ENPP1: variants seen among roughly 807,000 people sequenced by gnomAD.
The protein encoded by ENPP1 is ectonucleotide pyrophosphatase/phosphodiesterase family member 1.
Under a neutral mutation model 122.8 loss-of-function variants are expected in ENPP1, and 73 were observed. That is an observed-to-expected ratio of 0.59 (90% CI 0.49 to 0.72). ENPP1 has a LOEUF of 0.72. Among genes scored for constraint, ENPP1 ranks in the 30% least tolerant of loss-of-function variants. The probability of loss-of-function intolerance (pLI) is 0.00; values close to 1 mark genes in which losing one functional copy is unlikely to be tolerated. For synonymous variants in ENPP1, 367 were observed against 391.6 expected, an observed-to-expected ratio of 0.94 and a Z score of 0.74; for missense variants, 978 against 1,128.1, an observed-to-expected ratio of 0.87 and a Z score of 1.91.
chr6:131,877,882 T>A (rs1261001352), intron 18 of ENPP1: 38 of 117,878 alleles, frequency 3.2e-4, no homozygotes, highest in Non-Finnish European at 4.3e-4. Context: ...TATATATATA[T>A]ATATATATAT....
At chr6:131,845,132 C>T (rs925381102) in intron 1 of ENPP1, among the ~76,000 whole-genome samples, 105 of 133,460 alleles carry the variant, frequency 7.9e-4, no homozygotes, top group African/African-American at 2.9e-3. Context: ...GATCTTGGCT[C>T]ACTGCAACCT....
At chr6:131,853,902 A>G (rs184364835) in intron 5 of ENPP1, among the ~76,000 whole-genome samples, 2 of 152,302 alleles carry the variant, frequency 1.3e-5, no homozygotes, top group African/African-American at 2.4e-5. Context: ...TGTCAAGTAT[A>G]TTAGCATCCT....
intron 1 of ENPP1, among the ~76,000 whole-genome samples, chr6:131,816,020 T>C (rs900673624): frequency 1.3e-5 from 2 of 148,678 alleles, no homozygotes; most frequent in African/African-American, 5.1e-5. Context: ...CACGCCCGGC[T>C]GTATCAGCTT....
chr6:131,809,728 A>C (rs181930905), intron 1 of ENPP1, among the ~76,000 whole-genome samples: 2 of 152,256 alleles, frequency 1.3e-5, no homozygotes, highest in Non-Finnish European at 2.9e-5. Context: ...CCATTTCTAC[A>C]TGCCTATAAA....
chr6:131,810,453 C>T (rs377218246), intron 1 of ENPP1, among the ~76,000 whole-genome samples: 2,020 of 142,542 alleles, frequency 0.014, 53 homozygotes, highest in African/African-American at 0.05. Flanking sequence ...ACCCCGCCCC[C>T]CCCCCAAAAA....
At chr6:131,877,194 T>G (rs1264184328) in intron 18 of ENPP1, 33 bp downstream of exon 18, 1 of 1,595,564 alleles carries the variant, frequency 6.3e-7, no homozygotes, top group Admixed American at 1.7e-5. Context: ...GTCCAGTATG[T>G]ATGGTTTGAT....
At position 131,884,923 on chromosome 6, in the gene ENPP1, T is replaced by C; in HGVS notation, c.2312-8T>C. On this transcript the variant is annotated splice_region_variant and splice_polypyrimidine_tract_variant and intron_variant, in intron 22 of 24. Coordinates refer to ENST00000647893, the MANE Select transcript of ENPP1 (RefSeq NM_006208.3). ...TTTGAAACTACACTGGCTTCTATCTTGTTTCAGTTATATGGCGCTACTTTC... is the reference window on the plus strand; with the variant it reads ...TTTGAAACTACACTGGCTTCTATCTCGTTTCAGTTATATGGCGCTACTTTC... 1 of 1,614,076 alleles carries C rather than the reference T, an allele frequency of 6.2e-7. No individual in the cohort carries two copies. The highest frequency in any genetic ancestry group is 2.2e-5 in the East Asian group (1 of 44,874).
chr6:131,847,729 T>C, intron 1 of ENPP1, 47 bp from the exon 2 acceptor site: 1 of 1,324,326 alleles, frequency 7.6e-7, no homozygotes, highest in Non-Finnish European at 1.1e-6. Context: ...TAAGATAAAA[T>C]ATTTTTTAAA....
At chr6:131,889,161 A>T (rs1347586204) in intron 24 of ENPP1, among the ~76,000 whole-genome samples, 1 of 152,222 alleles carries the variant, frequency 6.6e-6, no homozygotes, top group Non-Finnish European at 1.5e-5. Flanking sequence ...ATCAAGACTT[A>T]TATGTTAAAT....
Position 131,850,261 on chromosome 6 carries a change from T to C in ENPP1, c.430+155T>C, listed in dbSNP as rs527867997. ...TTGACATTAGCTTTTATATTTTCTT[T>C]CAACAGTTCCTTAAGAGAAAAAAAT... is the stretch of plus-strand genomic sequence containing the variant. On this transcript the variant is annotated intron_variant, in intron 3 of 24. Transcript: ENST00000647893. Among the ~76,000 whole-genome samples the C allele has an allele frequency of 3.9e-5, 6 of 152,348 alleles. No individual in the cohort carries two copies. In the East Asian group the frequency reaches 9.6e-4, roughly 24 times the overall value.
intron 1 of ENPP1, among the ~76,000 whole-genome samples, chr6:131,831,142 A>AAAAAAAAAAAAG (rs1562513494): frequency 6.7e-6 from 1 of 150,026 alleles, no homozygotes. Context: ...AAAAAAGAAA[A>AAAAAAAAAAAAG]GAAAATAGAT....
Position 131,877,010 on chromosome 6 carries a change from C to T in ENPP1, c.1742C>T (p.Pro581Leu), listed in dbSNP as rs1343186878. The T allele has an allele frequency of 5.0e-6, 8 of 1,613,998 alleles. No individual in the cohort carries two copies. Among genetic ancestry groups the T allele is most frequent in the South Asian group, 1.1e-5 (1 of 91,076 alleles). The part of the protein sequence containing the change: ...NLMCDLLNLT[P>L]APNNGTHGSL... ...TATGCAGATTTACTGAATTTGACAC[C>T]GGCTCCTAATAACGGAACTCATGGA... is the stretch of plus-strand genomic sequence containing the variant. The change falls in exon 18 of 25, where the codon CCG becomes CTG. Residue 581 changes from proline (P) to leucine (L), a missense_variant. Around this residue, in one of 3 missense-constraint regions of ENPP1, gnomAD observed 644 missense variants for 781.5 expected, o/e 0.82. Coordinates refer to ENST00000647893, the MANE Select transcript of ENPP1 (RefSeq NM_006208.3).
chr6:131,854,307 G>A (rs972502833), intron 5 of ENPP1, among the ~76,000 whole-genome samples: 1 of 152,094 alleles, frequency 6.6e-6, no homozygotes, highest in African/African-American at 2.4e-5. Flanking sequence ...CAGCTACTTG[G>A]GAGGGTGAGG....
chr6:131,883,634 A>G, intron 21 of ENPP1, 60 bp from the exon 22 acceptor site: 1 of 879,162 alleles, frequency 1.1e-6, no homozygotes, highest in Non-Finnish European at 1.9e-6. Context: ...ACCATGAGAA[A>G]CTATAATTTC....
Position 131,808,151 on chromosome 6 carries a change from C to T in ENPP1, c.116C>T (p.Ala39Val), listed in dbSNP as rs1439098776. Reference protein sequence around the residue: ...RDRGRSHAAEAPGDPQAAASL... With the variant: ...RDRGRSHAAEVPGDPQAAASL... ...CGGGGCCGCAGCCACGCTGCCGAGGCGCCCGGGGACCCGCAGGCGGCCGCG... is the reference window on the plus strand; with the variant it reads ...CGGGGCCGCAGCCACGCTGCCGAGGTGCCCGGGGACCCGCAGGCGGCCGCG... The change falls in exon 1 of 25, where the codon GCG (alanine) becomes GTG (valine). Residue 39 changes from alanine (A) to valine (V), a missense_variant. Around this residue, in one of 3 missense-constraint regions of ENPP1, gnomAD observed 330 missense variants for 328.5 expected, o/e 1.00. Transcript: ENST00000647893. The T allele has an allele frequency of 2.8e-6, 4 of 1,441,126 alleles. No individual in the cohort carries two copies. Among genetic ancestry groups the T allele is most frequent in the South Asian group, 1.4e-5 (1 of 71,136 alleles). The allele number at this position is 1,441,126 out of a possible 1,614,324, so 89.3% of individuals were successfully genotyped here.
rs960205515 is a variant in ENPP1, at chr6:131,873,011, C to T, written c.1526C>T (p.Pro509Leu). 6.2e-7 allele frequency: 1 copy of T among 1,613,598 alleles called. No individual in the cohort carries two copies. Among genetic ancestry groups the T allele is most frequent in the Admixed American group, 1.7e-5 (1 of 59,988 alleles). The change falls in exon 15 of 25, where the codon CCC becomes CTC. Residue 509 changes from proline to leucine, a missense_variant. Around this residue, in one of 3 missense-constraint regions of ENPP1, gnomAD observed 644 missense variants for 781.5 expected, o/e 0.82. Coordinates refer to ENST00000647893, the MANE Select transcript of ENPP1 (RefSeq NM_006208.3). Reference protein sequence around the residue: ...LHFAKSDRIEPLTFYLDPQWQ... With the variant: ...LHFAKSDRIELLTFYLDPQWQ... ...TTTGCTAAGAGTGATAGAATTGAGCCCTTGACATTCTATTTGGACCCTCAG... is the reference window on the plus strand; with the variant it reads ...TTTGCTAAGAGTGATAGAATTGAGCTCTTGACATTCTATTTGGACCCTCAG...
At chr6:131,840,568 C>T (rs995814998) in intron 1 of ENPP1, among the ~76,000 whole-genome samples, 2 of 152,186 alleles carry the variant, frequency 1.3e-5, no homozygotes, top group Non-Finnish European at 2.9e-5. Flanking sequence ...ATGTTTTGTA[C>T]ATTCCGCCGA....
chr6:131,865,387 G>A lies in ENPP1; in HGVS notation c.1164+449G>A, dbSNP rs1203650865. On this transcript the variant is annotated intron_variant, in intron 11 of 24. Coordinates refer to ENST00000647893, the MANE Select transcript of ENPP1 (RefSeq NM_006208.3). ...TGCTTACAACAGAGGTCCCATAGAA[G>A]GATGGGAGATTTTATCAAAAGTGTA... is the stretch of plus-strand genomic sequence containing the variant. Among the ~76,000 whole-genome samples, 5 of 152,116 alleles carry A rather than the reference G, an allele frequency of 3.3e-5. No homozygotes were observed. The East Asian group carries it at 9.6e-4, about 29-fold the overall frequency.
intron 1 of ENPP1, chr6:131,826,167 AG>A (rs1420528050): frequency 1.1e-6 from 1 of 878,134 alleles, no homozygotes; most frequent in African/African-American, 1.6e-5. Context: ...GACCCACATG[AG>A]GGGACAAATT....
Sources: allele counts gnomAD v4.1 joint callset (sites outside exome capture counted in the v4.1 genomes callset), GRCh38; gene constraint gnomAD v4.1.1; regional missense constraint gnomAD v4.1.1; transcripts MANE v1.5; gene names NCBI Gene and HGNC (gene_info 2026-07-23, HGNC 2026-07-21).